Variants in TIGIT observed in about 807,000 individuals in gnomAD.
TIGIT encodes T cell immunoreceptor with Ig and ITIM domains.
Under a neutral mutation model 19.6 loss-of-function variants are expected in TIGIT, and 11 were observed. The observed-to-expected ratio is 0.56, with a 90% CI of 0.35 to 0.93. The LOEUF is 0.93. Ranked by LOEUF, TIGIT falls within the 40% of genes least tolerant of loss-of-function variation. The pLI is 0.01. For synonymous variants in TIGIT, 130 were observed against 125.5 expected (o/e 1.04, Z -0.24); for missense variants, 295 against 303.9 (o/e 0.97, Z 0.22).
rs1201637152 is a variant in TIGIT at position 114,295,993 on chromosome 3, G to A, written c.391+119G>A. 13 of 816,224 alleles carry A rather than the reference G, an allele frequency of 1.6e-5. No individual in the cohort carries two copies. The African/African-American group carries it at 2.1e-4, about 13-fold the overall frequency. The allele number at this position is 816,224 out of a possible 1,614,324, so 50.6% of individuals were successfully genotyped here. On this transcript the variant is annotated intron_variant, in intron 2 of 3. Coordinates refer to ENST00000383671, the MANE Select transcript of TIGIT (RefSeq NM_173799.4). ...GGATCACATTTGAATCACCTGAGGA[G>A]ATTTTAAATCATACTGATGCCGAGG...
At chr3:114,301,775 C>G (rs1047628630) in intron 3 of TIGIT, among the ~76,000 whole-genome samples, 1 of 152,210 alleles carries the variant, frequency 6.6e-6, no homozygotes, top group Non-Finnish European at 1.5e-5. Context: ...ATTTCCACTG[C>G]TTCCTGTGTA....
At chr3:114,306,405 A>T (rs535509089) in intron 3 of TIGIT, among the ~76,000 whole-genome samples, 1 of 152,092 alleles carries the variant, frequency 6.6e-6, no homozygotes, top group Non-Finnish European at 1.5e-5. Context: ...TGATACCTAA[A>T]ATTAGCTATG....
At chr3:114,296,036 C>A in intron 2 of TIGIT, 162 bp downstream of exon 2, 1 of 609,716 alleles carries the variant, frequency 1.6e-6, no homozygotes, top group African/African-American at 1.8e-5. Flanking sequence ...CAGACCAATT[C>A]AATCAGAATC....
Position 114,308,233 on chromosome 3 carries a change from G to GTGTGTA in TIGIT, c.*105_*106insGTATGT. ...ATCAGTGCTGCGTGTGTGTGTGTGT[G>GTGTGTA]TGTATGTGTGTGTGTGTTCAGTTGA... is the stretch of plus-strand genomic sequence containing the variant. On this transcript the variant is annotated 3_prime_UTR_variant, in exon 4 of 4. Coordinates refer to ENST00000383671, the MANE Select transcript of TIGIT (RefSeq NM_173799.4). The GTGTGTA allele has an allele frequency of 1.2e-6, 1 of 836,874 alleles. No individual in the cohort carries two copies. The allele number at this position is 836,874 out of a possible 1,614,324, so 51.8% of individuals were successfully genotyped here.
At chr3:114,297,975 T>C (rs905442301) in intron 2 of TIGIT, among the ~76,000 whole-genome samples, 7 of 152,230 alleles carry the variant, frequency 4.6e-5, no homozygotes, top group Admixed American at 3.9e-4. Context: ...TTACTTGCAT[T>C]AGCACAAACC....
intron 1 of TIGIT, among the ~76,000 whole-genome samples, chr3:114,294,804 T>C (rs1292694585): frequency 6.6e-6 from 1 of 152,200 alleles, no homozygotes; most frequent in African/African-American, 2.4e-5. Flanking sequence ...TTGGCTTTCC[T>C]GAAGGTTTTT....
At chr3:114,303,805 C>G (rs2078513113) in intron 3 of TIGIT, among the ~76,000 whole-genome samples, 1 of 151,876 alleles carries the variant, frequency 6.6e-6, no homozygotes, top group Non-Finnish European at 1.5e-5. Flanking sequence ...TGGATTAAAT[C>G]ATAGTTCTAC....
rs2078476320 is a variant in TIGIT at position 114,299,596 on chromosome 3, G to A, written c.392-1G>A. ...TCATCTCTGTTTTGTCCTCCCTCTA[G>A]TGGCTGAGCACGGTGCCAGGTTCCA... is the stretch of plus-strand genomic sequence containing the variant. On this transcript the variant is annotated splice_acceptor_variant, in intron 2 of 3. Coordinates refer to ENST00000383671, the MANE Select transcript of TIGIT (RefSeq NM_173799.4). LOFTEE classifies it high-confidence loss of function. 6.2e-7 allele frequency: 1 copy of A among 1,612,226 alleles called. No homozygotes were observed. The highest frequency in any genetic ancestry group is 1.3e-5 in the African/African-American group (1 of 74,890).
intron 3 of TIGIT, among the ~76,000 whole-genome samples, chr3:114,305,850 G>GTGGA (rs1203796821): frequency 0.017 from 2,340 of 137,218 alleles, 85 homozygotes; most frequent in East Asian, 0.16. Flanking sequence ...GGATGGGTGG[G>GTGGA]TGGATGGATG....
At chr3:114,303,503 A>ATG (rs1274717419) in intron 3 of TIGIT, among the ~76,000 whole-genome samples, 1 of 50,560 alleles carries the variant, frequency 2.0e-5, no homozygotes, top group African/African-American at 5.0e-5. Context: ...GTATATATAT[A>ATG]TGTATATATA....
At chr3:114,302,952 T>C (rs949430332) in intron 3 of TIGIT, among the ~76,000 whole-genome samples, 2 of 152,284 alleles carry the variant, frequency 1.3e-5, no homozygotes, top group South Asian at 4.1e-4. Flanking sequence ...GGTCATATGG[T>C]CTCTGTTGCA....
At chr3:114,303,411 G>A (rs901482210) in intron 3 of TIGIT, among the ~76,000 whole-genome samples, 1 of 151,196 alleles carries the variant, frequency 6.6e-6, no homozygotes, top group Admixed American at 6.6e-5. Context: ...TTCACTTATA[G>A]TAGTGGTTTC....
chr3:114,294,172 C>T (rs549068975), intron 1 of TIGIT, 50 bp downstream of exon 1: 12 of 1,465,978 alleles, frequency 8.2e-6, no homozygotes, highest in East Asian at 2.5e-5. Flanking sequence ...CAAGGCTAAG[C>T]TTGGTTGGAG....
At chr3:114,303,566 T>C (rs189807093) in intron 3 of TIGIT, among the ~76,000 whole-genome samples, 3 of 4,790 alleles carry the variant, frequency 6.3e-4, no homozygotes, top group African/African-American at 6.8e-4. Context: ...TATATATACA[T>C]ATATATGTAT....
Position 114,295,646 on chromosome 3 carries a change from AC to A in TIGIT, c.166del (p.Gln56ArgfsTer43). 1 of 1,614,188 alleles carries A rather than the reference AC, an allele frequency of 6.2e-7. No individual in the cohort carries two copies. The highest frequency in any genetic ancestry group is 8.5e-7 in the Non-Finnish European group (1 of 1,180,036). On this transcript the variant is annotated frameshift_variant, in exon 2 of 4. Transcript: ENST00000383671. LOFTEE classifies it high-confidence loss of function. ...CCTCTCCTCCACCACGGCACAAGTG[AC>A]CCAGGTCAACTGGGAGCAGCAGGAC... ...CHLSSTTAQV[T>X]QVNWEQQDQL...
At chr3:114,297,829 T>G (rs1382402236) in intron 2 of TIGIT, among the ~76,000 whole-genome samples, 1 of 152,196 alleles carries the variant, frequency 6.6e-6, no homozygotes, top group Non-Finnish European at 1.5e-5. Context: ...TGGACCCCTG[T>G]GCAGCCTCCC....
At chr3:114,294,645 G>A (rs2078441760) in intron 1 of TIGIT, among the ~76,000 whole-genome samples, 1 of 152,170 alleles carries the variant, frequency 6.6e-6, no homozygotes, top group Non-Finnish European at 1.5e-5. Context: ...TTTAAAAACT[G>A]TGGTATAAAT....
chr3:114,305,929 A>G (rs1466396414), intron 3 of TIGIT, among the ~76,000 whole-genome samples: 2 of 151,494 alleles, frequency 1.3e-5, no homozygotes. Flanking sequence ...TGTTAGGGGA[A>G]TTTGTTCAGG....
At chr3:114,306,500 T>TA (rs1383166972) in intron 3 of TIGIT, among the ~76,000 whole-genome samples, 1 of 152,174 alleles carries the variant, frequency 6.6e-6, no homozygotes, top group Non-Finnish European at 1.5e-5. Context: ...CAGACAGTCC[T>TA]AGGTTTGGGT....
Sources: allele counts gnomAD v4.1 joint callset (sites outside exome capture counted in the v4.1 genomes callset), GRCh38; gene constraint gnomAD v4.1.1; transcripts MANE v1.5; gene names NCBI Gene and HGNC (gene_info 2026-07-23, HGNC 2026-07-21).